RIT2: variants seen among roughly 807,000 people sequenced by gnomAD.
RIT2 encodes Ras like without CAAX 2.
In RIT2, 24 loss-of-function variants were observed where a neutral mutation model predicts 23.7. The ratio of observed to expected loss-of-function variants is 1.01; its 90% confidence interval spans 0.73 to 1.43. The LOEUF is 1.43. RIT2 is among the 40% of genes most tolerant of loss of function. The probability of loss-of-function intolerance (pLI) is 0.00; values close to 1 mark genes in which losing one functional copy is unlikely to be tolerated. For synonymous variants in RIT2, 107 were observed against 91.1 expected, an observed-to-expected ratio of 1.17 and a Z score of -0.99; for missense variants, 236 against 266.9, an observed-to-expected ratio of 0.88 and a Z score of 0.81.
intron 4 of RIT2, among the ~76,000 whole-genome samples, chr18:42,802,231 AT>A (rs1440078083): frequency 2.0e-5 from 3 of 152,226 alleles, no homozygotes; most frequent in Non-Finnish European, 4.4e-5. Flanking sequence ...ATCAGTAAAA[AT>A]GCCAAGATGC....
At chr18:43,089,741 T>TA (rs1238093536) in intron 1 of RIT2, among the ~76,000 whole-genome samples, 3 of 152,082 alleles carry the variant, frequency 2.0e-5, no homozygotes, top group East Asian at 1.9e-4. Context: ...GCTGCATACT[T>TA]ACAACTATCT....
chr18:42,757,702 A>G (rs1159683667), intron 4 of RIT2, among the ~76,000 whole-genome samples: 1 of 152,052 alleles, frequency 6.6e-6, no homozygotes, highest in Non-Finnish European at 1.5e-5. Context: ...TGCTCTTGTC[A>G]ATTGTTCTGC....
intron 1 of RIT2, among the ~76,000 whole-genome samples, chr18:43,067,325 G>A (rs757526689): frequency 5.3e-5 from 8 of 152,078 alleles, no homozygotes; most frequent in Non-Finnish European, 1.0e-4. Context: ...TATTTGAAGA[G>A]ATTATTCTGA....
At chr18:43,077,248 T>A (rs572726428) in intron 1 of RIT2, among the ~76,000 whole-genome samples, 1 of 152,200 alleles carries the variant, frequency 6.6e-6, no homozygotes, top group Admixed American at 6.5e-5. Flanking sequence ...GTGTTTTCTA[T>A]GTATACGTAC....
intron 1 of RIT2, among the ~76,000 whole-genome samples, chr18:43,047,833 T>C (rs1912284341): frequency 6.6e-6 from 1 of 152,172 alleles, no homozygotes; most frequent in Admixed American, 6.5e-5. Flanking sequence ...GTTTAAATTA[T>C]ACTCCTTTGT....
chr18:42,970,378 A>T (rs1158512034), intron 3 of RIT2, among the ~76,000 whole-genome samples: 1 of 152,132 alleles, frequency 6.6e-6, no homozygotes, highest in Non-Finnish European at 1.5e-5. Context: ...TATTAAAAAA[A>T]TTAAATGCTG....
intron 2 of RIT2, among the ~76,000 whole-genome samples, chr18:42,983,979 A>C (rs1910652040): frequency 6.6e-6 from 1 of 152,108 alleles, no homozygotes; most frequent in African/African-American, 2.4e-5. Flanking sequence ...CTAATCATGC[A>C]TGTATCATAC....
At chr18:43,052,402 G>T (rs1912404796) in intron 1 of RIT2, among the ~76,000 whole-genome samples, 1 of 152,068 alleles carries the variant, frequency 6.6e-6, no homozygotes, top group Non-Finnish European at 1.5e-5. Context: ...TTTGTAGGAT[G>T]TAAAATATAA....
intron 1 of RIT2, among the ~76,000 whole-genome samples, chr18:43,107,319 A>G (rs1445715481): frequency 2.6e-5 from 4 of 152,086 alleles, no homozygotes; most frequent in African/African-American, 9.7e-5. Context: ...TCATTGCCTC[A>G]CAAGTCTGTT....
intron 1 of RIT2, among the ~76,000 whole-genome samples, chr18:43,054,465 A>G (rs1281109982): frequency 6.6e-6 from 1 of 152,114 alleles, no homozygotes; most frequent in Non-Finnish European, 1.5e-5. Flanking sequence ...AAGGTGGTCT[A>G]TATGGACTCA....
At chr18:42,758,749 T>G (rs1470246198) in intron 4 of RIT2, among the ~76,000 whole-genome samples, 1 of 151,466 alleles carries the variant, frequency 6.6e-6, no homozygotes, top group Non-Finnish European at 1.5e-5. Flanking sequence ...GGTCTCAATC[T>G]CCTGACCACA....
intron 2 of RIT2, among the ~76,000 whole-genome samples, chr18:42,977,696 T>C (rs879215): frequency 0.56 from 85,242 of 150,960 alleles, 27,302 homozygotes; most frequent in East Asian, 0.85. Flanking sequence ...TATAAACACA[T>C]ATATACAATG....
intron 3 of RIT2, among the ~76,000 whole-genome samples, chr18:42,928,092 T>A (rs8094788): frequency 0.15 from 23,263 of 151,980 alleles, 2,578 homozygotes; most frequent in East Asian, 0.59. Context: ...TATACTGATC[T>A]GAATCCCTTT....
intron 2 of RIT2, among the ~76,000 whole-genome samples, chr18:43,018,642 AC>A (rs1489511589): frequency 3.3e-5 from 5 of 151,858 alleles, no homozygotes; most frequent in Non-Finnish European, 7.4e-5. Context: ...GAAAGAAAAA[AC>A]CAAAACCAAA....
chr18:42,826,409 A>G (rs969818733), intron 4 of RIT2, among the ~76,000 whole-genome samples: 3 of 152,138 alleles, frequency 2.0e-5, no homozygotes, highest in Non-Finnish European at 2.9e-5. Context: ...GAGAGAACAA[A>G]GATTTAATCA....
At chr18:42,769,501 T>C (rs16976794) in intron 4 of RIT2, among the ~76,000 whole-genome samples, 6,144 of 152,208 alleles carry the variant, frequency 0.04, 382 homozygotes, top group African/African-American at 0.14. Flanking sequence ...AATGGGAGCC[T>C]GATACCTTTT....
chr18:42,815,220 G>T (rs1170969065), intron 4 of RIT2, among the ~76,000 whole-genome samples: 1 of 152,162 alleles, frequency 6.6e-6, no homozygotes, highest in East Asian at 1.9e-4. Context: ...TATTAAGCTA[G>T]TCAGGGAGGC....
chr18:42,929,034 G>GATAGATAT (rs1555647354), intron 3 of RIT2, among the ~76,000 whole-genome samples: 1 of 96,956 alleles, frequency 1.0e-5, no homozygotes, highest in Admixed American at 1.3e-4. Flanking sequence ...AAAATATGGA[G>GATAGATAT]ATATATATAT....
chr18:43,004,425 A>G (rs1911180472), intron 2 of RIT2, among the ~76,000 whole-genome samples: 1 of 151,756 alleles, frequency 6.6e-6, no homozygotes, highest in Non-Finnish European at 1.5e-5. Flanking sequence ...GGGTATTTCT[A>G]TTTATCTCAA....
Sources: gnomAD v4.1 joint callset for allele counts (sites outside exome capture counted in the v4.1 genomes callset) on GRCh38, gnomAD v4.1.1 for gene constraint, MANE v1.5 for transcripts, NCBI Gene and HGNC (gene_info 2026-07-23, HGNC 2026-07-21) for gene names.